Variants in SLC16A12 observed in about 807,000 individuals in gnomAD.
SLC16A12 encodes the protein monocarboxylate transporter 12.
Under a neutral mutation model 42.4 loss-of-function variants are expected in SLC16A12, and 17 were observed. That is an observed-to-expected ratio of 0.40 (90% CI 0.27 to 0.60). The LOEUF is 0.60. Ranked by LOEUF, SLC16A12 falls within the 20% of genes least tolerant of loss-of-function variation. The pLI is 0.42. For synonymous variants in SLC16A12, 224 were observed against 229.4 expected (o/e 0.98, Z 0.21); for missense variants, 544 against 623.0 (o/e 0.87, Z 1.35).
rs528164877 is a variant in SLC16A12 at position 89,546,544 on chromosome 10, C to T, written c.-47+9338G>A. Among the ~76,000 whole-genome samples the T allele has an allele frequency of 1.4e-4, 22 of 152,204 alleles. 1 individual carries two copies. Among genetic ancestry groups the T allele is most frequent in the Admixed American group, 7.2e-4 (11 of 15,280 alleles). ...AAAGTCAGGAAACAATAGATGCTGG[C>T]GAGGCTGTGGAGAAATAGGAACACT... is the stretch of plus-strand genomic sequence containing the variant. On this transcript the variant is annotated intron_variant, in intron 2 of 2. Coordinates refer to the SLC16A12 transcript ENST00000475682.
intron 2 of SLC16A12, among the ~76,000 whole-genome samples, chr10:89,548,581 T>A (rs188707861): frequency 1.7e-3 from 265 of 152,150 alleles, no homozygotes; most frequent in Admixed American, 4.0e-3. Flanking sequence ...TTTGGGAGGC[T>A]GAGGCGGGTG....
chr10:89,456,523 T>C (rs1313857352), intron 3 of SLC16A12, among the ~76,000 whole-genome samples: 2 of 152,138 alleles, frequency 1.3e-5, no homozygotes, highest in Non-Finnish European at 2.9e-5. Context: ...GATTCTTTTT[T>C]TTTCATTTTT....
chr10:89,438,887 T>A lies in SLC16A12; in HGVS notation c.745A>T (p.Ile249Phe), dbSNP rs1235237102. Residue 249 changes from isoleucine (I) to phenylalanine (F), a missense_variant, in exon 6 of 8, where the codon ATT (isoleucine) becomes TTT (phenylalanine). Physicochemically the swap from Ile to Phe is conservative, Grantham distance 21. Coordinates refer to ENST00000371790, the MANE Select transcript of SLC16A12 (RefSeq NM_213606.4). ...GATGAATAGGGAGACACCCGCTTAA[T>A]GTCTTCTTTCTGAGTTCTACACACA... ...NHVCRTQKED[I>F]KRVSPYSSLT... 3.1e-6 allele frequency: 5 copies of A among 1,613,420 alleles called. No homozygotes were observed. Among genetic ancestry groups the A allele is most frequent in the Admixed American group, 1.7e-5 (1 of 59,968 alleles).
chr10:89,529,647 A>C (rs942784760), intron 2 of SLC16A12, among the ~76,000 whole-genome samples: 7 of 151,404 alleles, frequency 4.6e-5, no homozygotes, highest in African/African-American at 1.7e-4. Flanking sequence ...TCCCAGGTTC[A>C]AGCCATCCTC....
chr10:89,531,375 G>A (rs1456444727), intron 2 of SLC16A12, among the ~76,000 whole-genome samples: 1 of 152,164 alleles, frequency 6.6e-6, no homozygotes, highest in Non-Finnish European at 1.5e-5. Flanking sequence ...TCCAGCCTGG[G>A]TGACAGAGCA....
chr10:89,545,047 T>A (rs1457411821), intron 2 of SLC16A12, among the ~76,000 whole-genome samples: 1 of 152,146 alleles, frequency 6.6e-6, no homozygotes. Context: ...CTCTCTCAAA[T>A]CCTGCACTGC....
rs543621210 is a variant in SLC16A12 at position 89,483,677 on chromosome 10, T to C, written c.-46-21053A>G. 1.7e-3 allele frequency among the ~76,000 whole-genome samples: 243 copies of C among 141,956 alleles called. 2 individuals carry two copies. Among genetic ancestry groups the C allele is most frequent in the African/African-American group, 6.2e-3 (231 of 36,980 alleles). 93.1% of individuals were successfully genotyped at this position (141,956 alleles called of 152,430 possible). The stretch of plus-strand genomic sequence containing the variant: ...ATGACTTTGAGGCTGTAGTGCATTA[T>C]AATCGTGCCTGTGAACAGCCACTGC... On this transcript the variant is annotated intron_variant, in intron 2 of 7. Coordinates refer to ENST00000371790, the MANE Select transcript of SLC16A12 (RefSeq NM_213606.4).
intron 2 of SLC16A12, among the ~76,000 whole-genome samples, chr10:89,542,451 C>A (rs562506494): frequency 6.6e-6 from 1 of 151,948 alleles, no homozygotes; most frequent in African/African-American, 2.4e-5. Flanking sequence ...TACAGGCATG[C>A]ACCACCACGT....
At chr10:89,549,126 C>A (rs1356489140) in intron 2 of SLC16A12, among the ~76,000 whole-genome samples, 1 of 152,214 alleles carries the variant, frequency 6.6e-6, no homozygotes, top group Non-Finnish European at 1.5e-5. Flanking sequence ...GGCTGATTTA[C>A]CCTTTCTGAC....
rs531101754 is a variant in SLC16A12, at chr10:89,488,662, C to A, written c.-46-26038G>T. Among the ~76,000 whole-genome samples, 3 of 152,270 alleles carry A rather than the reference C, an allele frequency of 2.0e-5. No individual in the cohort carries two copies. The East Asian group carries it at 5.8e-4, about 29-fold the overall frequency. ...ACTGACAATAGTAACAGTTTCCCAC[C>A]AAATGATGCCTTAGAAATCTGTAGA... On this transcript the variant is annotated intron_variant, in intron 2 of 7. Transcript: ENST00000371790.
At chr10:89,527,155 G>A (rs1843466562) in intron 2 of SLC16A12, among the ~76,000 whole-genome samples, 1 of 152,098 alleles carries the variant, frequency 6.6e-6, no homozygotes, top group Non-Finnish European at 1.5e-5. Flanking sequence ...GAATCTCCAT[G>A]AGCATTAAAA....
rs1841722083 is a variant in SLC16A12 at position 89,433,268 on chromosome 10, T to C, written c.1347A>G (p.Ser449=). The change falls in exon 8 of 8, where the codon TCA becomes TCG. Residue 449 remains serine, a synonymous_variant. Coordinates refer to ENST00000371790, the MANE Select transcript of SLC16A12 (RefSeq NM_213606.4). ...YTAAFLLCGF[S]MIFSSVLLGF... is the part of the protein sequence containing the mutation. ...CAAGCAACACAGAACTAAATATCAT[T>C]GAAAATCCACAGAGGAGGAATGCTG... 6.2e-7 allele frequency: 1 copy of C among 1,614,174 alleles called. No individual in the cohort carries two copies. Among genetic ancestry groups the C allele is most frequent in the East Asian group, 2.2e-5 (1 of 44,884 alleles).
intron 3 of SLC16A12, among the ~76,000 whole-genome samples, chr10:89,459,234 G>A (rs1188869264): frequency 2.6e-5 from 4 of 151,926 alleles, no homozygotes; most frequent in South Asian, 2.1e-4. Flanking sequence ...CTATGACTTC[G>A]CATCGCTGAT....
At chr10:89,474,476 A>C (rs1157529085) in intron 2 of SLC16A12, among the ~76,000 whole-genome samples, 1 of 152,230 alleles carries the variant, frequency 6.6e-6, no homozygotes, top group African/African-American at 2.4e-5. Context: ...AATAACTGTC[A>C]CTAGTTTTTA....
intron 2 of SLC16A12, among the ~76,000 whole-genome samples, chr10:89,521,205 G>A (rs1843347773): frequency 6.6e-6 from 1 of 152,168 alleles, no homozygotes; most frequent in Admixed American, 6.5e-5. Flanking sequence ...CCTTGTCTCT[G>A]TCATAGACAT....
At chr10:89,481,507 T>C (rs1482585730) in intron 2 of SLC16A12, among the ~76,000 whole-genome samples, 1 of 152,170 alleles carries the variant, frequency 6.6e-6, no homozygotes, top group Non-Finnish European at 1.5e-5. Context: ...ACTACTCTCA[T>C]ACACAGATTA....
intron 2 of SLC16A12, among the ~76,000 whole-genome samples, chr10:89,508,826 T>G (rs1485617898): frequency 6.6e-6 from 1 of 151,982 alleles, no homozygotes; most frequent in African/African-American, 2.4e-5. Context: ...ATAGATAGAC[T>G]GCTAGCCAGA....
At chr10:89,546,647 C>A (rs539378456) in intron 2 of SLC16A12, among the ~76,000 whole-genome samples, 1 of 152,230 alleles carries the variant, frequency 6.6e-6, no homozygotes, top group African/African-American at 2.4e-5. Flanking sequence ...GATCTAGAAC[C>A]AGAAATATCA....
intron 2 of SLC16A12, among the ~76,000 whole-genome samples, chr10:89,483,752 A>G (rs56314422): frequency 2.8e-5 from 4 of 144,910 alleles, no homozygotes; most frequent in Admixed American, 2.7e-4. Flanking sequence ...AAAAAAAAAA[A>G]ACAAAAAAAA....
Sources: allele counts gnomAD v4.1 joint callset (sites outside exome capture counted in the v4.1 genomes callset), GRCh38; gene constraint gnomAD v4.1.1; transcripts MANE v1.5; gene names NCBI Gene and HGNC (gene_info 2026-07-23, HGNC 2026-07-21).